SLCO4C1: variants seen among roughly 807,000 people sequenced by gnomAD.
SLCO4C1 encodes the protein organic anion transporter M1.
In SLCO4C1, 58 loss-of-function variants were observed where a neutral mutation model predicts 72.1. That is an observed-to-expected ratio of 0.80 (90% CI 0.65 to 1.00). The LOEUF is 1.00. SLCO4C1 is among the 50% of genes least tolerant of loss of function. SLCO4C1 has a pLI of 0.00. For synonymous variants in SLCO4C1, 297 were observed against 312.5 expected, an observed-to-expected ratio of 0.95 and a Z score of 0.52; for missense variants, 898 against 857.9, an observed-to-expected ratio of 1.05 and a Z score of -0.58.
intron 7 of SLCO4C1, 87 bp from the exon 8 acceptor site, chr5:102,257,397 T>A: frequency 9.5e-7 from 1 of 1,053,692 alleles, no homozygotes; most frequent in East Asian, 2.8e-5. Flanking sequence ...AAAACAAGTG[T>A]CAATATGGTT....
At position 102,257,189 on chromosome 5, in the gene SLCO4C1, A is replaced by T; in HGVS notation, c.1395T>A (p.Leu465=). ...KFALFTSGVA[L]TLSFVFMYAK... Reference sequence around the variant, plus strand: ...CATACATAAATACAAAACTCAGCGTAAGTGCAACTCCAGATGTGAACAGTG... The same window carrying T: ...CATACATAAATACAAAACTCAGCGTTAGTGCAACTCCAGATGTGAACAGTG... The change falls in exon 8 of 13, where the codon CTT becomes CTA. Residue 465 remains leucine (L), a synonymous_variant. Coordinates refer to ENST00000310954, the MANE Select transcript of SLCO4C1 (RefSeq NM_180991.5). 6.2e-7 allele frequency: 1 copy of T among 1,608,742 alleles called. No homozygotes were observed. Among genetic ancestry groups the T allele is most frequent in the South Asian group, 1.1e-5 (1 of 90,010 alleles).
At chr5:102,245,512 T>A (rs1561366238) in intron 10 of SLCO4C1, among the ~76,000 whole-genome samples, 2 of 152,142 alleles carry the variant, frequency 1.3e-5, no homozygotes, top group East Asian at 3.9e-4. Flanking sequence ...AATATATATG[T>A]AGCCAACACT....
intron 2 of SLCO4C1, among the ~76,000 whole-genome samples, chr5:102,273,833 G>A (rs1209933323): frequency 6.6e-6 from 1 of 152,048 alleles, no homozygotes; most frequent in South Asian, 2.1e-4. Flanking sequence ...AATGAATTTT[G>A]TGAGATTATT....
intron 2 of SLCO4C1, among the ~76,000 whole-genome samples, chr5:102,283,224 C>G (rs1749389359): frequency 6.6e-6 from 1 of 151,824 alleles, no homozygotes; most frequent in Non-Finnish European, 1.5e-5. Context: ...TTCATTGCTA[C>G]TATTTAATGA....
At chr5:102,262,900 A>C (rs748435285) in intron 4 of SLCO4C1, among the ~76,000 whole-genome samples, 1 of 152,184 alleles carries the variant, frequency 6.6e-6, no homozygotes, top group African/African-American at 2.4e-5. Context: ...TCACATACCT[A>C]TGACCACATT....
chr5:102,261,126 A>G (rs969807433), intron 5 of SLCO4C1, among the ~76,000 whole-genome samples: 1 of 152,176 alleles, frequency 6.6e-6, no homozygotes, highest in Non-Finnish European at 1.5e-5. Context: ...AATGTTTAGT[A>G]TTCAAGCCGG....
rs368307228 is a variant in SLCO4C1 at position 102,265,867 on chromosome 5, G to C, written c.803-2087C>G. ...GAAAAGTGACATTGGAATTTTGATA[G>C]GGATTGCATTGAATCTGTACATTGC... is the stretch of plus-strand genomic sequence containing the variant. On this transcript the variant is annotated intron_variant, in intron 3 of 12. Transcript: ENST00000310954. 1.2e-4 allele frequency among the ~76,000 whole-genome samples: 19 copies of C among 152,228 alleles called. No individual in the cohort carries two copies. In the East Asian group the frequency reaches 1.4e-3, roughly 11 times the overall value.
intron 1 of SLCO4C1, among the ~76,000 whole-genome samples, chr5:102,293,127 CT>C (rs1749586377): frequency 6.6e-6 from 1 of 151,922 alleles, no homozygotes. Flanking sequence ...ATATTTTTTA[CT>C]TTTATACCCA....
Position 102,236,368 on chromosome 5 carries a change from A to G in SLCO4C1, c.*490T>C, listed in dbSNP as rs1012236463. ...CTTTCAATAATAATTCCCGGAAATC[A>G]TCACACAACTTTGATTAGTTTAAAT... is the stretch of plus-strand genomic sequence containing the variant. On this transcript the variant is annotated 3_prime_UTR_variant, in exon 13 of 13. Transcript: ENST00000310954. 6.6e-6 allele frequency: 1 copy of G among 152,470 alleles called. No individual in the cohort carries two copies. The highest frequency in any genetic ancestry group is 6.5e-5 in the Admixed American group (1 of 15,284). The allele number at this position is 152,470 out of a possible 1,614,324, so 9.4% of individuals were successfully genotyped here. A position where few individuals can be genotyped will look rare whatever the true frequency, so the allele number is the denominator to read the frequency against.
chr5:102,296,215 G>T lies in SLCO4C1; in HGVS notation c.48C>A (p.Ser16Arg). The change falls in exon 1 of 13, where the codon AGC (serine) becomes AGA (arginine). Residue 16 changes from serine (S) to arginine (R), a missense_variant. Coordinates refer to ENST00000310954, the MANE Select transcript of SLCO4C1 (RefSeq NM_180991.5). ...GIENLAFVPS[S>R]PDILRRLSAS... is the part of the protein sequence containing the mutation. ...CAGACAAGCGGCGCAGGATGTCTGG[G>T]CTGGAGGGGACAAAAGCCAAGTTCT... 3 of 1,585,914 alleles carry T rather than the reference G, an allele frequency of 1.9e-6. No homozygotes were observed. Among genetic ancestry groups the T allele is most frequent in the Non-Finnish European group, 2.6e-6 (3 of 1,166,870 alleles).
intron 1 of SLCO4C1, among the ~76,000 whole-genome samples, chr5:102,295,625 T>C (rs1209689558): frequency 6.6e-6 from 1 of 152,250 alleles, no homozygotes; most frequent in Non-Finnish European, 1.5e-5. Context: ...ATCTTCCCTG[T>C]AAGTCTTGAA....
intron 11 of SLCO4C1, among the ~76,000 whole-genome samples, 170 bp from the exon 12 acceptor site, chr5:102,239,558 T>C (rs1277729290): frequency 6.6e-6 from 1 of 151,978 alleles, no homozygotes; most frequent in South Asian, 2.1e-4. Context: ...AGATACAATA[T>C]TCTAAAATAA....
Position 102,236,844 on chromosome 5 carries a change from T to C in SLCO4C1, c.*14A>G. 1 of 1,609,736 alleles carries C rather than the reference T, an allele frequency of 6.2e-7. No individual in the cohort carries two copies. The highest frequency in any genetic ancestry group is 8.5e-7 in the Non-Finnish European group (1 of 1,178,938). ...AAATTTTCCAGGTGTAAAACAGTCT[T>C]CTCTTTTCCCATTTCACCCTTCTTT... On this transcript the variant is annotated 3_prime_UTR_variant, in exon 13 of 13. Coordinates refer to ENST00000310954, the MANE Select transcript of SLCO4C1 (RefSeq NM_180991.5).
intron 6 of SLCO4C1, among the ~76,000 whole-genome samples, chr5:102,258,524 T>G (rs1748880508): frequency 6.6e-6 from 1 of 152,148 alleles, no homozygotes; most frequent in African/African-American, 2.4e-5. Context: ...AGTATCAAAT[T>G]AATAGTATGG....
chr5:102,254,347 G>C (rs1748795188), intron 8 of SLCO4C1, among the ~76,000 whole-genome samples: 1 of 152,126 alleles, frequency 6.6e-6, no homozygotes. Context: ...ATTTTTCCCA[G>C]AGTACACGAT....
chr5:102,291,427 CT>C lies in SLCO4C1; in HGVS notation c.534del (p.Ala179ProfsTer3). ...AGTGCTCCCAGTCCAATCATAAAGGCTGCAAATGCAAGCCATCTCGGCTTAT... is the reference window on the plus strand; with the variant it reads ...AGTGCTCCCAGTCCAATCATAAAGGCGCAAATGCAAGCCATCTCGGCTTAT... The part of the protein sequence containing the change: ...RGHKPRWLAF[A>X]AFMIGLGALV... On this transcript the variant is annotated frameshift_variant, in exon 2 of 13. Coordinates refer to ENST00000310954, the MANE Select transcript of SLCO4C1 (RefSeq NM_180991.5). LOFTEE classifies it high-confidence loss of function. The C allele has an allele frequency of 6.2e-7, 1 of 1,614,138 alleles. No homozygotes were observed.
intron 2 of SLCO4C1, among the ~76,000 whole-genome samples, chr5:102,283,170 T>C (rs1749388018): frequency 1.3e-5 from 2 of 151,688 alleles, no homozygotes; most frequent in Admixed American, 6.6e-5. Flanking sequence ...TTTGGGGATA[T>C]GTCAACACCA....
intron 8 of SLCO4C1, among the ~76,000 whole-genome samples, chr5:102,256,344 A>G (rs1251116405): frequency 6.6e-6 from 1 of 152,366 alleles, no homozygotes; most frequent in East Asian, 1.9e-4. Context: ...AACTTTTCTG[A>G]GCAAAGTAGA....
chr5:102,284,862 C>T (rs1749421984), intron 2 of SLCO4C1, among the ~76,000 whole-genome samples: 1 of 151,956 alleles, frequency 6.6e-6, no homozygotes, highest in African/African-American at 2.4e-5. Flanking sequence ...ACTTATTTTT[C>T]TCTGTAAGTT....
Sources: gnomAD v4.1 joint callset for allele counts (sites outside exome capture counted in the v4.1 genomes callset) on GRCh38, gnomAD v4.1.1 for gene constraint, MANE v1.5 for transcripts, NCBI Gene and HGNC (gene_info 2026-07-23, HGNC 2026-07-21) for gene names.